The following CNGB3 variants were observed in gnomAD, a reference collection of about 807,000 sequenced individuals.
CNGB3 encodes the protein cyclic nucleotide-gated channel beta-3.
A neutral mutation model predicts 92.8 loss-of-function variants in CNGB3; 86 were observed. The ratio of observed to expected loss-of-function variants is 0.93; its 90% CI spans 0.78 to 1.11. The LOEUF is 1.11. CNGB3 is among the 50% of genes least tolerant of loss of function. The pLI is 0.00. For missense variants in CNGB3, 1,026 were observed against 956.8 expected (o/e 1.07, Z -0.95); for synonymous variants, 333 against 332.7 (o/e 1.00, Z -0.01).
chr8:86,645,122 A>AT (rs1181208586), intron 8 of CNGB3, among the ~76,000 whole-genome samples: 1 of 151,368 alleles, frequency 6.6e-6, no homozygotes, highest in Non-Finnish European at 1.5e-5. Flanking sequence ...TTTTCAGTAA[A>AT]TTGCATTAAA....
At chr8:86,690,426 T>G (rs1200745659) in intron 3 of CNGB3, among the ~76,000 whole-genome samples, 1 of 152,218 alleles carries the variant, frequency 6.6e-6, no homozygotes, top group Non-Finnish European at 1.5e-5. Flanking sequence ...TCTTGTAAAT[T>G]TGTTTAAGTT....
chr8:86,675,210 C>A (rs913075148), intron 3 of CNGB3, among the ~76,000 whole-genome samples: 38 of 152,086 alleles, frequency 2.5e-4, no homozygotes, highest in Non-Finnish European at 1.3e-4. Context: ...GATCCACCTT[C>A]TTCGGCCTCC....
intron 3 of CNGB3, among the ~76,000 whole-genome samples, chr8:86,679,679 C>T (rs1321673770): frequency 2.0e-5 from 3 of 152,110 alleles, no homozygotes; most frequent in Non-Finnish European, 2.9e-5. Context: ...TTGCCCACCA[C>T]CATGCCTGGC....
chr8:86,661,157 C>T (rs1586000104), intron 6 of CNGB3: 2 of 230,802 alleles, frequency 8.7e-6, no homozygotes, highest in African/African-American at 2.3e-5. Context: ...AGGACGACAA[C>T]CCAGTTGACA....
In CNGB3 at chr8:86,593,716, C is replaced by T. The variant is rs561510541; in HGVS notation, c.1781+10377G>A. On this transcript the variant is annotated intron_variant, in intron 15 of 17. Coordinates refer to ENST00000320005, the MANE Select transcript of CNGB3 (RefSeq NM_019098.5). ...TAGGCACGCTGAGGGCCAGGCCTGT[C>T]GTCCAGCAGTGGTGGGGGTGGAAGA... The T allele has an allele frequency of 5.6e-5, 48 of 858,650 alleles. No homozygotes were observed. In the African/African-American group the frequency reaches 6.8e-4, roughly 12 times the overall value. The allele number at this position is 858,650 out of a possible 1,614,324, so 53.2% of individuals were successfully genotyped here.
chr8:86,592,292 A>C (rs1278494334), intron 15 of CNGB3, among the ~76,000 whole-genome samples: 1 of 152,034 alleles, frequency 6.6e-6, no homozygotes, highest in African/African-American at 2.4e-5. Flanking sequence ...TGCAGAAATC[A>C]CCCGTCTTCT....
At chr8:86,659,850 A>G in intron 6 of CNGB3, 1 of 421,762 alleles carries the variant, frequency 2.4e-6, no homozygotes, top group Middle Eastern at 5.0e-4. Context: ...TTGTTTCTCC[A>G]GATCCTTCAG....
At chr8:86,659,162 C>T (rs1585998542) in intron 6 of CNGB3, 1 of 709,246 alleles carries the variant, frequency 1.4e-6, no homozygotes, top group Non-Finnish European at 2.5e-6. Context: ...GCTCCTTCTC[C>T]TCCCTCAATG....
chr8:86,698,568 A>T (rs1282908373), intron 3 of CNGB3, among the ~76,000 whole-genome samples: 2 of 152,234 alleles, frequency 1.3e-5, no homozygotes, highest in Non-Finnish European at 2.9e-5. Flanking sequence ...AAAGCTTTTC[A>T]TCCCACAATT....
intron 15 of CNGB3, among the ~76,000 whole-genome samples, chr8:86,589,045 C>A (rs938219038): frequency 6.6e-6 from 1 of 152,146 alleles, no homozygotes; most frequent in African/African-American, 2.4e-5. Context: ...AGAGATTCAA[C>A]TTCTTCCTGG....
In CNGB3 at chr8:86,671,138, AAG is replaced by A. The variant is rs781287745; in HGVS notation, c.339-42_339-41del. 3 of 1,604,744 alleles carry A rather than the reference AAG, an allele frequency of 1.9e-6. No homozygotes were observed. The African/African-American group carries it at 4.0e-5, about 21-fold the overall frequency. On this transcript the variant is annotated intron_variant, in intron 3 of 17. Coordinates refer to ENST00000320005, the MANE Select transcript of CNGB3 (RefSeq NM_019098.5). ...AAATGGCAATAGAGATGGGCCCATGAAGAAATAGATATAAGGGAAAGATTAAA... is the reference window on the plus strand; with the variant it reads ...AAATGGCAATAGAGATGGGCCCATGAAAATAGATATAAGGGAAAGATTAAA...
At chr8:86,726,766 T>A in intron 2 of CNGB3, 109 bp from the exon 3 acceptor site, 1 of 1,256,432 alleles carries the variant, frequency 8.0e-7, no homozygotes, top group Non-Finnish European at 1.2e-6. Flanking sequence ...AATAGTCTTC[T>A]CAAGAACACC....
chr8:86,582,852 G>C (rs1821816154), intron 15 of CNGB3, among the ~76,000 whole-genome samples: 1 of 152,054 alleles, frequency 6.6e-6, no homozygotes, highest in Non-Finnish European at 1.5e-5. Flanking sequence ...GAAGGAAAAT[G>C]ATATAGATCA....
Position 86,739,638 on chromosome 8 carries a change from TCA to T in CNGB3, c.211+15_211+16del. ...CTTTTTAGTTTTTTTTTTTTTTTTT[TCA>T]GACTGCATTCTGACCTTGTATGTTG... On this transcript the variant is annotated intron_variant, in intron 2 of 17. Coordinates refer to ENST00000320005, the MANE Select transcript of CNGB3 (RefSeq NM_019098.5). 6.3e-7 allele frequency: 1 copy of T among 1,586,646 alleles called. No homozygotes were observed. The highest frequency in any genetic ancestry group is 8.5e-7 in the Non-Finnish European group (1 of 1,171,712).
rs1182359434 is a variant in CNGB3, at chr8:86,660,402, T to C, written c.853-6340A>G. ...ATGTGCAACTGATCCAGAGGAGAGT[T>C]AACCAGGGCCACACTAGAACTCAGA... On this transcript the variant is annotated intron_variant, in intron 6 of 17. Transcript: ENST00000320005. 6 of 456,034 alleles carry C rather than the reference T, an allele frequency of 1.3e-5. No individual in the cohort carries two copies. The East Asian group carries it at 3.3e-4, about 25-fold the overall frequency. The allele number at this position is 456,034 out of a possible 1,614,324, so 28.2% of individuals were successfully genotyped here.
At chr8:86,590,118 T>G (rs1355300334) in intron 15 of CNGB3, among the ~76,000 whole-genome samples, 1 of 152,070 alleles carries the variant, frequency 6.6e-6, no homozygotes, top group Non-Finnish European at 1.5e-5. Flanking sequence ...TCTTTTGATC[T>G]TTTTTGGTTT....
chr8:86,648,831 G>A (rs1823342584), intron 7 of CNGB3, among the ~76,000 whole-genome samples: 1 of 151,220 alleles, frequency 6.6e-6, no homozygotes, highest in African/African-American at 2.4e-5. Context: ...AAGAAATAAA[G>A]GGCATTCACA....
chr8:86,711,244 T>G (rs1341935489), intron 3 of CNGB3, among the ~76,000 whole-genome samples: 1 of 152,168 alleles, frequency 6.6e-6, no homozygotes, highest in Non-Finnish European at 1.5e-5. Context: ...GTTATCAGAT[T>G]AACTCTGTTG....
intron 2 of CNGB3, among the ~76,000 whole-genome samples, chr8:86,732,501 T>C (rs1260678709): frequency 1.3e-5 from 2 of 152,194 alleles, no homozygotes; most frequent in Non-Finnish European, 2.9e-5. Flanking sequence ...AATGAAGCCA[T>C]ATTCACTGAG....
Sources: allele counts gnomAD v4.1 joint callset (sites outside exome capture counted in the v4.1 genomes callset), GRCh38; gene constraint gnomAD v4.1.1; transcripts MANE v1.5; gene names NCBI Gene and HGNC (gene_info 2026-07-23, HGNC 2026-07-21).